The following KIF13B variants were observed in gnomAD, a reference collection of about 807,000 sequenced individuals.
KIF13B encodes kinesin-like protein KIF13B.
A neutral mutation model predicts 222.0 loss-of-function variants in KIF13B; 127 were observed. That is an observed-to-expected ratio of 0.57 (90% CI 0.50 to 0.66). The LOEUF (loss-of-function observed/expected upper bound fraction) is 0.66. Among genes scored for constraint, KIF13B ranks in the 30% least tolerant of loss-of-function variants. The pLI, the probability that KIF13B is intolerant of heterozygous loss-of-function variation, is 0.00. For missense variants in KIF13B, 2,173 were observed against 2,379.0 expected, an observed-to-expected ratio of 0.91 and a Z score of 1.80; for synonymous variants, 976 against 919.0, an observed-to-expected ratio of 1.06 and a Z score of -1.12.
At chr8:29,095,519 C>A (rs912022910) in intron 36 of KIF13B, among the ~76,000 whole-genome samples, 1 of 152,224 alleles carries the variant, frequency 6.6e-6, no homozygotes, top group Middle Eastern at 3.2e-3. Context: ...GTAATCCCAG[C>A]ACTTTGGGAG....
intron 2 of KIF13B, among the ~76,000 whole-genome samples, chr8:29,202,871 A>G (rs1226483782): frequency 6.6e-6 from 1 of 152,022 alleles, no homozygotes; most frequent in African/African-American, 2.4e-5. Context: ...CCTGTCCTCC[A>G]TATACCTAAC....
chr8:29,084,583 A>T (rs1807959324), intron 37 of KIF13B, among the ~76,000 whole-genome samples: 1 of 152,236 alleles, frequency 6.6e-6, no homozygotes, highest in Non-Finnish European at 1.5e-5. Context: ...ACAGGCCGGC[A>T]TTGTGACTGT....
intron 8 of KIF13B, among the ~76,000 whole-genome samples, chr8:29,179,113 G>A (rs1360581411): frequency 1.4e-5 from 2 of 143,050 alleles, no homozygotes; most frequent in Non-Finnish European, 3.1e-5. Flanking sequence ...AAGAACCTCT[G>A]CTAAATCAGC....
At chr8:29,231,408 A>G (rs1367735110) in intron 2 of KIF13B, among the ~76,000 whole-genome samples, 1 of 152,242 alleles carries the variant, frequency 6.6e-6, no homozygotes, top group African/African-American at 2.4e-5. Context: ...CCACTGTGTC[A>G]TATTATACCC....
chr8:29,161,595 G>A (rs1229684635), intron 12 of KIF13B, among the ~76,000 whole-genome samples: 1 of 151,884 alleles, frequency 6.6e-6, no homozygotes, highest in Non-Finnish European at 1.5e-5. Context: ...ACTCGGGAAG[G>A]TGAGGCAGGA....
At chr8:29,173,964 T>G (rs991635719) in intron 10 of KIF13B, among the ~76,000 whole-genome samples, 5 of 151,626 alleles carry the variant, frequency 3.3e-5, no homozygotes, top group Non-Finnish European at 5.9e-5. Context: ...AAAAACTCAT[T>G]TGGTAATGAA....
chr8:29,076,312 C>T (rs1807557362), intron 37 of KIF13B, among the ~76,000 whole-genome samples: 1 of 152,248 alleles, frequency 6.6e-6, no homozygotes, highest in African/African-American at 2.4e-5. Context: ...TCTGCCAGGA[C>T]AGCCGCGGGT....
In KIF13B at chr8:29,124,034, G is replaced by A; in HGVS notation, c.3342C>T (p.Val1114=). Residue 1114 remains valine, a synonymous_variant, in exon 27 of 40, where the codon GTC becomes GTT. Transcript: ENST00000524189. ...EYLDQQLQKL[V]SKRDKTEDDA... ...ATTTGTTTTTCCTACCACGTTTACT[G>A]ACAAGCTTTTGCAATTGTTGATCCA... 6.2e-7 allele frequency: 1 copy of A among 1,603,434 alleles called. No homozygotes were observed. Among genetic ancestry groups the A allele is most frequent in the Non-Finnish European group, 8.5e-7 (1 of 1,171,260 alleles).
At chr8:29,183,189 C>G (rs1261864520) in intron 6 of KIF13B, among the ~76,000 whole-genome samples, 1 of 68,770 alleles carries the variant, frequency 1.5e-5, no homozygotes, top group Non-Finnish European at 3.0e-5. Flanking sequence ...TTTTTTTTTC[C>G]AATGGAGTCT....
chr8:29,156,581 C>G (rs1467082954), intron 13 of KIF13B, among the ~76,000 whole-genome samples: 1 of 151,962 alleles, frequency 6.6e-6, no homozygotes, highest in Non-Finnish European at 1.5e-5. Flanking sequence ...GAGACACTAT[C>G]CATGCTCACT....
Position 29,075,338 on chromosome 8 carries a change from C to G in KIF13B, c.4464G>C (p.Val1488=), listed in dbSNP as rs551140992. The change falls in exon 38 of 40, where the codon GTG becomes GTC. Residue 1488 remains valine (V), a synonymous_variant. Coordinates refer to ENST00000524189, the MANE Select transcript of KIF13B (RefSeq NM_015254.4). ...TGGCTGACTGCACCATGATGCGGGG[C>G]ACGGGCTGAGGAGGCAAGTGTGCAG... The part of the protein sequence containing the change: ...KRPSPLAHQP[V]PRIMVQSASP... 21 of 1,558,442 alleles carry G rather than the reference C, an allele frequency of 1.3e-5. No homozygotes were observed. The African/African-American group carries it at 2.4e-4, about 18-fold the overall frequency.
At position 29,205,995 on chromosome 8, in the gene KIF13B, C is replaced by T. The variant is rs538856454; in HGVS notation, c.150-9796G>A. On this transcript the variant is annotated intron_variant, in intron 2 of 39. Coordinates refer to ENST00000524189, the MANE Select transcript of KIF13B (RefSeq NM_015254.4). ...GGTCCTCAATACTTGGGAGGCTGAA[C>T]TGGGAGGATCACTTGAACTGATGAG... 2.0e-5 allele frequency among the ~76,000 whole-genome samples: 3 copies of T among 151,540 alleles called. No individual in the cohort carries two copies. The South Asian group carries it at 6.2e-4, about 32-fold the overall frequency.
At chr8:29,241,994 G>A (rs1348640126) in intron 2 of KIF13B, among the ~76,000 whole-genome samples, 2 of 152,068 alleles carry the variant, frequency 1.3e-5, no homozygotes, top group Admixed American at 1.3e-4. Flanking sequence ...ACTCACCTAT[G>A]CCTCAACTTT....
chr8:29,117,381 T>G (rs1406913860), intron 30 of KIF13B, among the ~76,000 whole-genome samples: 1 of 152,228 alleles, frequency 6.6e-6, no homozygotes, highest in Non-Finnish European at 1.5e-5. Context: ...TTATTACTTT[T>G]GCTAAACCAC....
intron 14 of KIF13B, among the ~76,000 whole-genome samples, chr8:29,152,476 A>G (rs1388736367): frequency 6.6e-6 from 1 of 152,230 alleles, no homozygotes; most frequent in Non-Finnish European, 1.5e-5. Flanking sequence ...AAATTGCCAC[A>G]GCCATCCCAA....
At chr8:29,228,472 A>AAAAAAAAAAAAAAAAAAATAT in intron 2 of KIF13B, among the ~76,000 whole-genome samples, 1 of 117,084 alleles carries the variant, frequency 8.5e-6, no homozygotes, top group African/African-American at 3.3e-5. Context: ...ATCTTAAAAA[A>AAAAAAAAAAAAAAAAAAATAT]ATATATATAT....
At chr8:29,202,808 G>A (rs1218972377) in intron 2 of KIF13B, among the ~76,000 whole-genome samples, 1 of 152,054 alleles carries the variant, frequency 6.6e-6, no homozygotes, top group African/African-American at 2.4e-5. Context: ...AGTGCCACCT[G>A]TGGACCACTG....
intron 14 of KIF13B, among the ~76,000 whole-genome samples, chr8:29,152,877 C>T (rs920764330): frequency 6.6e-6 from 1 of 152,028 alleles, no homozygotes; most frequent in Non-Finnish European, 1.5e-5. Context: ...CGCACCTAGC[C>T]GCAAAGTATT....
intron 18 of KIF13B, 170 bp downstream of exon 18, chr8:29,146,208 C>A: frequency 2.9e-6 from 2 of 678,866 alleles, no homozygotes; most frequent in Non-Finnish European, 5.2e-6. Context: ...TACATACACT[C>A]AAAGGTAGAG....
Sources: allele counts gnomAD v4.1 joint callset (sites outside exome capture counted in the v4.1 genomes callset), GRCh38; gene constraint gnomAD v4.1.1; transcripts MANE v1.5; gene names NCBI Gene and HGNC (gene_info 2026-07-23, HGNC 2026-07-21).